Variants in TRIM66 observed in about 807,000 individuals in gnomAD.
TRIM66 encodes the protein tripartite motif-containing protein 66.
TRIM66 carries 99 observed loss-of-function variants against 148.2 expected under a neutral mutation model. The ratio of observed to expected loss-of-function variants is 0.67; its 90% CI spans 0.57 to 0.79. The LOEUF (loss-of-function observed/expected upper bound fraction) is 0.79. TRIM66 is among the 30% of genes least tolerant of loss of function. The probability of loss-of-function intolerance (pLI) is 0.00; values close to 1 mark genes in which losing one functional copy is unlikely to be tolerated. For missense variants in TRIM66, 1,666 were observed against 1,697.9 expected (o/e 0.98, Z 0.33); for synonymous variants, 616 against 635.9 (o/e 0.97, Z 0.47).
At chr11:8,623,561 T>C (rs780243167) in intron 17 of TRIM66, among the ~76,000 whole-genome samples, 1 of 152,240 alleles carries the variant, frequency 6.6e-6, no homozygotes, top group Non-Finnish European at 1.5e-5. Context: ...TTCTTTCGTT[T>C]TCATTTATTA....
chr11:8,638,939 G>T, intron 14 of TRIM66, 124 bp from the exon 15 acceptor site: 1 of 1,013,166 alleles, frequency 9.9e-7, no homozygotes, highest in Non-Finnish European at 1.4e-6. Flanking sequence ...ATTGTGGACT[G>T]CTTAAACGTT....
At position 8,617,185 on chromosome 11, in the gene TRIM66, G is replaced by A. The variant is rs2033775593; in HGVS notation, c.*759C>T. On this transcript the variant is annotated 3_prime_UTR_variant, in exon 25 of 25. Coordinates refer to ENST00000646038, the MANE Select transcript of TRIM66 (RefSeq NM_001388022.1). ...GTAAGTAGCACAGAGGGCGGGCTCT[G>A]AAGTGGACATCTTACTAAGTCTGTA... 1 of 152,270 alleles carries A rather than the reference G, an allele frequency of 6.6e-6. No individual in the cohort carries two copies. The highest frequency in any genetic ancestry group is 1.5e-5 in the Non-Finnish European group (1 of 68,086). 9.4% of individuals were successfully genotyped at this position (152,270 alleles called of 1,614,324 possible).
rs2036306564 is a variant in TRIM66, at chr11:8,640,719, A to G, written c.1656T>C (p.Thr552=). 2.6e-6 allele frequency: 4 copies of G among 1,551,506 alleles called. No homozygotes were observed. Among genetic ancestry groups the G allele is most frequent in the Non-Finnish European group, 3.5e-6 (4 of 1,146,966 alleles). ...GGGGGACAATGCACACGGGCTGGGA[A>G]GTCAGCTGCTGCCCCAGCCGCTGGG... ...STSQRLGQQL[T]SQPVCIVPPQ... The change falls in exon 14 of 25, where the codon ACT becomes ACC. Residue 552 remains threonine, a synonymous_variant. Coordinates refer to ENST00000646038, the MANE Select transcript of TRIM66 (RefSeq NM_001388022.1).
chr11:8,662,000 T>C (rs577700821), intron 6 of TRIM66, among the ~76,000 whole-genome samples: 1 of 152,240 alleles, frequency 6.6e-6, no homozygotes, highest in African/African-American at 2.4e-5. Context: ...CAGTAATGGG[T>C]CCTGTTCTGG....
chr11:8,670,648 T>C (rs1172477024), intron 6 of TRIM66, among the ~76,000 whole-genome samples: 1 of 152,230 alleles, frequency 6.6e-6, no homozygotes, highest in Non-Finnish European at 1.5e-5. Flanking sequence ...AGTTTGCATA[T>C]TAATCAAAGG....
chr11:8,627,244 G>A (rs2034939771), intron 15 of TRIM66, among the ~76,000 whole-genome samples: 2 of 151,904 alleles, frequency 1.3e-5, no homozygotes, highest in South Asian at 2.1e-4. Flanking sequence ...ATGAATTAAT[G>A]AGCTGTTTAA....
At position 8,620,446 on chromosome 11, in the gene TRIM66, C is replaced by T; in HGVS notation, c.3672G>A (p.Lys1224=). 1 of 1,551,732 alleles carries T rather than the reference C, an allele frequency of 6.4e-7. No homozygotes were observed. The highest frequency in any genetic ancestry group is 8.7e-7 in the Non-Finnish European group (1 of 1,146,966). ...ASPGLSMYDQ[K]KCEKLVLSLC... ...CTTGTTTCCAAAGACTCCTCCCTAC[C>T]TTCTGGTCATACATGCTTAGGCCAG... is the stretch of plus-strand genomic sequence containing the variant. Residue 1224 remains lysine, a splice_region_variant and synonymous_variant, in exon 21 of 25, where the codon AAG becomes AAA. Transcript: ENST00000646038.
At chr11:8,647,233 T>C (rs1226590332) in intron 10 of TRIM66, among the ~76,000 whole-genome samples, 1 of 152,098 alleles carries the variant, frequency 6.6e-6, no homozygotes, top group East Asian at 1.9e-4. Flanking sequence ...CACTGAATTA[T>C]ACATTTAAAA....
At position 8,643,181 on chromosome 11, in the gene TRIM66, T is replaced by TCC. The variant is rs2036550331; in HGVS notation, c.1105-57_1105-56dup. 2.0e-5 allele frequency: 29 copies of TCC among 1,430,902 alleles called. 1 individual carries two copies. In the South Asian group the frequency reaches 3.6e-4, roughly 18 times the overall value. The allele number at this position is 1,430,902 out of a possible 1,614,324, so 88.6% of individuals were successfully genotyped here. On this transcript the variant is annotated intron_variant, in intron 12 of 24. Coordinates refer to ENST00000646038, the MANE Select transcript of TRIM66 (RefSeq NM_001388022.1). Reference sequence around the variant, plus strand: ...GGGCATCTTGCACCTAAATGACAACTCCCCTTCCCTTACTCTTTGGACAAG... The same window carrying TCC: ...GGGCATCTTGCACCTAAATGACAACTCCCCCCTTCCCTTACTCTTTGGACAAG...
rs143402749 is a variant in TRIM66, at chr11:8,626,687, G to A, written c.2311-1459C>T. On this transcript the variant is annotated intron_variant, in intron 15 of 24. Transcript: ENST00000646038. Reference sequence around the variant, plus strand: ...CAATGGAGAAGTATTTTCAAAACACGGATCCGATCACATCATTTCTTTTCA... The same window carrying A: ...CAATGGAGAAGTATTTTCAAAACACAGATCCGATCACATCATTTCTTTTCA... 2.5e-3 allele frequency among the ~76,000 whole-genome samples: 383 copies of A among 152,204 alleles called. 8 individuals are homozygous for A. The highest frequency in any genetic ancestry group is 8.8e-3 in the African/African-American group (367 of 41,522).
intron 15 of TRIM66, among the ~76,000 whole-genome samples, chr11:8,633,355 T>C (rs2035592408): frequency 6.6e-6 from 1 of 152,110 alleles, no homozygotes; most frequent in South Asian, 2.1e-4. Flanking sequence ...TAGGAGTACT[T>C]CTAAAACACT....
intron 23 of TRIM66, 183 bp downstream of exon 23, chr11:8,619,200 T>C: frequency 1.3e-6 from 1 of 783,184 alleles, no homozygotes; most frequent in Non-Finnish European, 2.0e-6. Context: ...CCCTTTTTCC[T>C]GAGTCCATGC....
intron 6 of TRIM66, among the ~76,000 whole-genome samples, chr11:8,670,577 TACAA>T (rs2038877546): frequency 6.6e-6 from 1 of 152,210 alleles, no homozygotes; most frequent in Non-Finnish European, 1.5e-5. Context: ...TTGGAGTACT[TACAA>T]AGAAAATAAA....
rs2033823206 is a variant in TRIM66, at chr11:8,617,911, C to G, written c.*33G>C. On this transcript the variant is annotated 3_prime_UTR_variant, in exon 25 of 25. Transcript: ENST00000646038. ...AGGAATGGTCGACAGTATGGGACAA[C>G]AGCTGCCAGAGTGCCCAGTCTCCTT... The G allele has an allele frequency of 1.9e-6, 3 of 1,549,546 alleles. No individual in the cohort carries two copies. Among genetic ancestry groups the G allele is most frequent in the Admixed American group, 3.9e-5 (2 of 50,980 alleles).
In TRIM66 at chr11:8,671,894, T is replaced by C. The variant is rs768791792; in HGVS notation, c.232A>G (p.Met78Val). The change falls in exon 6 of 25, where the codon ATG (methionine) becomes GTG (valine). Residue 78 changes from methionine (M) to valine (V), a missense_variant. Physicochemically the swap from Met to Val is conservative, Grantham distance 21. Around this residue, in one of 3 missense-constraint regions of TRIM66, gnomAD observed 1,431 missense variants for 1,412.4 expected, o/e 1.01. Transcript: ENST00000646038. ...CSLCHQDLPGMGSHLLSCQHL... is the reference protein window; with the variant it reads ...CSLCHQDLPGVGSHLLSCQHL... ...TGGCAGGATAGGAGATGAGAGCCCA[T>C]ACCTGGCAGGTCCTGATGGCACAAT... 12 of 1,536,018 alleles carry C rather than the reference T, an allele frequency of 7.8e-6. No individual in the cohort carries two copies. The highest frequency in any genetic ancestry group is 9.6e-6 in the Non-Finnish European group (11 of 1,146,908).
In TRIM66 at chr11:8,647,050, AAAC is replaced by A. The variant is rs1307336194; in HGVS notation, c.843-492_843-490del. ...TTATATAATAAACATATTATATAATAAACAATAATAAACATATAATTATATAAT... is the reference window on the plus strand; with the variant it reads ...TTATATAATAAACATATTATATAATAAATAATAAACATATAATTATATAAT... On this transcript the variant is annotated intron_variant, in intron 10 of 24. Transcript: ENST00000646038. Among the ~76,000 whole-genome samples the A allele has an allele frequency of 5.4e-5, 8 of 147,294 alleles. No homozygotes were observed. The East Asian group carries it at 5.9e-4, about 11-fold the overall frequency.
Position 8,618,021 on chromosome 11 carries a change from A to G in TRIM66, c.4120-18T>C, listed in dbSNP as rs762039460. ...TCATTCTCCTGAAAGAAAAATATAT[A>G]TTTGGAATTAAAATAGCCAAATGTA... is the stretch of plus-strand genomic sequence containing the variant. On this transcript the variant is annotated intron_variant, in intron 24 of 24. Coordinates refer to ENST00000646038, the MANE Select transcript of TRIM66 (RefSeq NM_001388022.1). The G allele has an allele frequency of 2.0e-5, 31 of 1,550,442 alleles. No homozygotes were observed. Among genetic ancestry groups the G allele is most frequent in the Non-Finnish European group, 2.7e-5 (31 of 1,146,040 alleles).
In TRIM66 at chr11:8,647,572, G is replaced by A. The variant is rs547934489; in HGVS notation, c.842+398C>T. Among the ~76,000 whole-genome samples, 33 of 152,296 alleles carry A rather than the reference G, an allele frequency of 2.2e-4. 1 individual carries two copies. The South Asian group carries it at 6.8e-3, about 32-fold the overall frequency. ...TACCAATGATTTCATGTGACTTGTAGATTTACAGAGAACACACAGGGAAAG... is the reference window on the plus strand; with the variant it reads ...TACCAATGATTTCATGTGACTTGTAAATTTACAGAGAACACACAGGGAAAG... On this transcript the variant is annotated intron_variant, in intron 10 of 24. Transcript: ENST00000646038.
At chr11:8,643,632 G>A (rs986675984) in intron 12 of TRIM66, among the ~76,000 whole-genome samples, 6 of 152,066 alleles carry the variant, frequency 3.9e-5, no homozygotes, top group African/African-American at 7.2e-5. Flanking sequence ...GTGAGCCACC[G>A]CACCTGGCCT....
Sources: gnomAD v4.1 joint callset for allele counts (sites outside exome capture counted in the v4.1 genomes callset) on GRCh38, gnomAD v4.1.1 for gene constraint, gnomAD v4.1.1 regional missense constraint, MANE v1.5 for transcripts, NCBI Gene and HGNC (gene_info 2026-07-23, HGNC 2026-07-21) for gene names.